Variants in TENM2 observed in about 807,000 individuals in gnomAD.
The protein encoded by TENM2 is teneurin transmembrane protein 2.
In TENM2, 52 loss-of-function variants were observed where a neutral mutation model predicts 245.2. The observed-to-expected ratio is 0.21, with a 90% confidence interval of 0.17 to 0.27. TENM2 has a LOEUF of 0.27. TENM2 is among the 10% of genes least tolerant of loss of function. The pLI, the probability that TENM2 is intolerant of heterozygous loss-of-function variation, is 1.00. For missense variants in TENM2, 3,046 were observed against 3,666.8 expected (o/e 0.83, Z 4.37); for synonymous variants, 1,363 against 1,438.9 (o/e 0.95, Z 1.19).
At chr5:168,262,820 C>G (rs781414719) in exon 29 of TENM2, 2 of 1,583,306 alleles carry the variant, frequency 1.3e-6, no homozygotes, top group African/African-American at 2.7e-5. Flanking sequence ...ACAAAATAAT[C>G]TGCTGCCATT....
At chr5:168,064,402 A>T (rs1425700356) in intron 7 of TENM2, among the ~76,000 whole-genome samples, 1 of 152,092 alleles carries the variant, frequency 6.6e-6, no homozygotes, top group African/African-American at 2.4e-5. Flanking sequence ...CATTACCCCC[A>T]AAGCTCTGCT....
At chr5:167,547,130 G>A (rs986014463) in intron 2 of TENM2, among the ~76,000 whole-genome samples, 1 of 152,170 alleles carries the variant, frequency 6.6e-6, no homozygotes, top group African/African-American at 2.4e-5. Context: ...TTGTTGTCCA[G>A]GCTGGAGTGT....
intron 1 of TENM2, among the ~76,000 whole-genome samples, chr5:167,308,714 C>T (rs888292782): frequency 1.3e-5 from 2 of 152,216 alleles, no homozygotes; most frequent in African/African-American, 4.8e-5. Flanking sequence ...CCAAATCTCA[C>T]CATGTTCCTC....
chr5:167,912,924 A>G (rs1198853182), intron 3 of TENM2, among the ~76,000 whole-genome samples: 2 of 152,082 alleles, frequency 1.3e-5, no homozygotes, highest in East Asian at 1.9e-4. Context: ...GGCAAAGGCA[A>G]GGAAAGGAGA....
intron 7 of TENM2, among the ~76,000 whole-genome samples, chr5:168,072,040 A>G (rs1374039717): frequency 2.0e-5 from 3 of 152,116 alleles, no homozygotes; most frequent in African/African-American, 4.8e-5. Context: ...GTGACTGGAC[A>G]CACCCCCAGT....
At chr5:167,607,056 A>G (rs1777105370) in intron 2 of TENM2, among the ~76,000 whole-genome samples, 1 of 152,130 alleles carries the variant, frequency 6.6e-6, no homozygotes, top group African/African-American at 2.4e-5. Flanking sequence ...AGGGTCACAA[A>G]TTTAAATATC....
At chr5:167,179,085 G>C in the TENM2 span, among the ~76,000 whole-genome samples, 1 of 152,120 alleles carries the variant, frequency 6.6e-6, no homozygotes, top group Non-Finnish European at 1.5e-5. Context: ...GTTATACTTT[G>C]TGATTTTTTT....
intron 2 of TENM2, among the ~76,000 whole-genome samples, chr5:167,771,581 T>A (rs1383278414): frequency 6.6e-6 from 1 of 152,328 alleles, no homozygotes; most frequent in East Asian, 1.9e-4. Flanking sequence ...ATGGCTCTCA[T>A]CCTACGCTAC....
At chr5:167,103,667 A>G in the TENM2 span, among the ~76,000 whole-genome samples, 2 of 152,158 alleles carry the variant, frequency 1.3e-5, no homozygotes, top group Non-Finnish European at 2.9e-5. Context: ...TTACTTCTGC[A>G]TACCCATCCC....
In TENM2 at chr5:168,179,785, A is replaced by G. The variant is rs573928700; in HGVS notation, c.2570-10552A>G. On this transcript the variant is annotated intron_variant, in intron 13 of 28. Coordinates refer to ENST00000518659, the Ensembl canonical transcript of TENM2. ...GTCTCCCATTTCTCACCTGTAAATAATGATGTTAATAGCACCCAGGATTCT... is the reference window on the plus strand; with the variant it reads ...GTCTCCCATTTCTCACCTGTAAATAGTGATGTTAATAGCACCCAGGATTCT... Among the ~76,000 whole-genome samples, 4 of 152,302 alleles carry G rather than the reference A, an allele frequency of 2.6e-5. No individual in the cohort carries two copies. In the South Asian group the frequency reaches 6.2e-4, roughly 24 times the overall value.
intron 5 of TENM2, among the ~76,000 whole-genome samples, chr5:168,035,809 C>T (rs1235630365): frequency 1.3e-5 from 2 of 152,246 alleles, no homozygotes; most frequent in East Asian, 1.9e-4. Context: ...AATTAAAACC[C>T]GGCAACCCTA....
At chr5:167,146,646 C>T in the TENM2 span, among the ~76,000 whole-genome samples, 10 of 152,114 alleles carry the variant, frequency 6.6e-5, no homozygotes, top group Admixed American at 6.5e-4. Context: ...CAACAGAGTC[C>T]AGCTTGACTG....
intron 2 of TENM2, among the ~76,000 whole-genome samples, chr5:167,741,386 A>T (rs897284965): frequency 5.3e-5 from 8 of 152,200 alleles, no homozygotes; most frequent in African/African-American, 1.9e-4. Flanking sequence ...AAGATTCATG[A>T]TCTTCAAAAA....
chr5:168,108,141 G>A (rs1416772728), intron 9 of TENM2, among the ~76,000 whole-genome samples: 2 of 152,168 alleles, frequency 1.3e-5, no homozygotes, highest in Non-Finnish European at 2.9e-5. Context: ...CTAATTTGTC[G>A]GATCAATCAT....
chr5:167,654,844 A>G (rs898916314), intron 2 of TENM2, among the ~76,000 whole-genome samples: 21 of 152,142 alleles, frequency 1.4e-4, no homozygotes, highest in African/African-American at 4.3e-4. Context: ...ACAACTCATT[A>G]TCTAGGTCAA....
At chr5:168,223,238 G>A (rs17632295) in intron 23 of TENM2, among the ~76,000 whole-genome samples, 4,687 of 152,188 alleles carry the variant, frequency 0.031, 98 homozygotes, top group East Asian at 0.11. Flanking sequence ...CTCTCATAAG[G>A]AAACTCAGCA....
intron 2 of TENM2, among the ~76,000 whole-genome samples, chr5:167,437,689 T>C (rs996513302): frequency 1.3e-5 from 2 of 152,048 alleles, no homozygotes; most frequent in African/African-American, 4.8e-5. Context: ...TGGGAGGTCA[T>C]TGAATTACGG....
chr5:168,075,338 G>C (rs1791376159), intron 7 of TENM2, among the ~76,000 whole-genome samples: 1 of 152,126 alleles, frequency 6.6e-6, no homozygotes, highest in Non-Finnish European at 1.5e-5. Flanking sequence ...CTTGTTGATT[G>C]ATGGGGATTT....
At chr5:167,335,152 C>T (rs1472227413) in intron 1 of TENM2, among the ~76,000 whole-genome samples, 4 of 152,248 alleles carry the variant, frequency 2.6e-5, no homozygotes, top group South Asian at 2.1e-4. Flanking sequence ...CTGAGGAGGC[C>T]TCAGGGAGCT....
Sources: allele counts gnomAD v4.1 joint callset (sites outside exome capture counted in the v4.1 genomes callset), GRCh38; gene constraint gnomAD v4.1.1; transcripts MANE v1.5; gene names NCBI Gene and HGNC (gene_info 2026-07-23, HGNC 2026-07-21).